The following SNX30 variants were observed in gnomAD, a reference collection of about 807,000 sequenced individuals.
The protein encoded by SNX30 is sorting nexin-30.
Under a neutral mutation model 46.4 loss-of-function variants are expected in SNX30, and 24 were observed. The ratio of observed to expected loss-of-function variants is 0.52; its 90% CI spans 0.37 to 0.73. The LOEUF is 0.73. Among genes scored for constraint, SNX30 ranks in the 30% least tolerant of loss-of-function variants. SNX30 has a pLI of 0.00. For synonymous variants in SNX30, 189 were observed against 211.5 expected, an observed-to-expected ratio of 0.89 and a Z score of 0.92; for missense variants, 533 against 555.7, an observed-to-expected ratio of 0.96 and a Z score of 0.41.
chr9:112,765,861 T>C (rs1003912163), intron 1 of SNX30, among the ~76,000 whole-genome samples: 1 of 152,176 alleles, frequency 6.6e-6, no homozygotes, highest in African/African-American at 2.4e-5. Flanking sequence ...TGGAGTGCAG[T>C]GGCGCGATCT....
intron 1 of SNX30, among the ~76,000 whole-genome samples, chr9:112,774,927 C>A (rs1839715860): frequency 6.6e-6 from 1 of 150,886 alleles, no homozygotes; most frequent in African/African-American, 2.4e-5. Context: ...TCACTGCAAC[C>A]TCTGCCTCCT....
chr9:112,834,882 A>ACGCACACACACACGCACC (rs56385707), intron 4 of SNX30, among the ~76,000 whole-genome samples: 1 of 105,252 alleles, frequency 9.5e-6, no homozygotes, highest in African/African-American at 3.0e-5. Context: ...ACACACACAC[A>ACGCACACACACACGCACC]CCTACCTCAA....
intron 3 of SNX30, among the ~76,000 whole-genome samples, chr9:112,830,077 A>C (rs931651668): frequency 4.6e-5 from 7 of 152,210 alleles, no homozygotes; most frequent in Non-Finnish European, 5.9e-5. Context: ...TTAAAAGCTC[A>C]AAGATCCCTT....
rs992798087 is a variant in SNX30, at chr9:112,823,926, A to G, written c.459+6111A>G. 3.3e-5 allele frequency among the ~76,000 whole-genome samples: 5 copies of G among 152,192 alleles called. No individual in the cohort carries two copies. The South Asian group carries it at 6.2e-4, about 19-fold the overall frequency. On this transcript the variant is annotated intron_variant, in intron 3 of 8. Transcript: ENST00000374232. ...CTCTGCACTTGGTGACAAGCTTTTAATCTCTATGCTCCTTTATTTATTTGG... is the reference window on the plus strand; with the variant it reads ...CTCTGCACTTGGTGACAAGCTTTTAGTCTCTATGCTCCTTTATTTATTTGG...
intron 2 of SNX30, among the ~76,000 whole-genome samples, chr9:112,815,220 A>G (rs1840378444): frequency 6.6e-6 from 1 of 152,178 alleles, no homozygotes; most frequent in South Asian, 2.1e-4. Flanking sequence ...GGTTGTGGCA[A>G]AAATAAAACG....
At chr9:112,851,746 A>C (rs1209946746) in intron 7 of SNX30, among the ~76,000 whole-genome samples, 2 of 149,848 alleles carry the variant, frequency 1.3e-5, no homozygotes, top group African/African-American at 4.9e-5. Flanking sequence ...GAGTTTTTAA[A>C]GATAATTTGG....
At chr9:112,776,966 C>T (rs1330244720) in intron 1 of SNX30, among the ~76,000 whole-genome samples, 3 of 152,122 alleles carry the variant, frequency 2.0e-5, no homozygotes, top group Non-Finnish European at 4.4e-5. Flanking sequence ...TTGCTCACCG[C>T]CCCCTGCCTT....
At chr9:112,883,949 C>A (rs1841614314), downstream of SNX30, among the ~76,000 whole-genome samples, 1 of 152,172 alleles carries the variant, frequency 6.6e-6, no homozygotes, top group Non-Finnish European at 1.5e-5. Flanking sequence ...TCCGCCTTGG[C>A]CTCCCAAAGT....
intron 1 of SNX30, among the ~76,000 whole-genome samples, chr9:112,768,354 T>C (rs1839579727): frequency 6.6e-6 from 1 of 152,222 alleles, no homozygotes; most frequent in Admixed American, 6.5e-5. Context: ...GTGAGTGGCA[T>C]TGACATCACC....
intron 3 of SNX30, among the ~76,000 whole-genome samples, chr9:112,821,613 A>G (rs1231113081): frequency 4.0e-5 from 6 of 151,336 alleles, no homozygotes; most frequent in African/African-American, 1.5e-4. Flanking sequence ...CAGCCTCCCT[A>G]GTACCTGGGA....
intron 1 of SNX30, among the ~76,000 whole-genome samples, chr9:112,777,955 C>T (rs1839776883): frequency 6.6e-6 from 1 of 152,126 alleles, no homozygotes; most frequent in South Asian, 2.1e-4. Flanking sequence ...TTTTAGGGTT[C>T]TGTGGGTTGA....
chr9:112,865,661 A>ATATATATATGTGTGTGTG, intron 8 of SNX30, among the ~76,000 whole-genome samples: 17 of 105,678 alleles, frequency 1.6e-4, no homozygotes, highest in African/African-American at 6.1e-4. Context: ...ATATATATAT[A>ATATATATATGTGTGTGTG]TGTATGTATG....
intron 2 of SNX30, among the ~76,000 whole-genome samples, chr9:112,807,159 G>T (rs767873448): frequency 3.9e-4 from 54 of 139,466 alleles, no homozygotes; most frequent in Non-Finnish European, 6.8e-4. Flanking sequence ...CCGCCCTCTG[G>T]GTTCAAGGGG....
intron 7 of SNX30, among the ~76,000 whole-genome samples, chr9:112,857,895 A>G (rs193277337): frequency 6.6e-6 from 1 of 152,144 alleles, no homozygotes; most frequent in African/African-American, 2.4e-5. Flanking sequence ...TTTTAAATGA[A>G]TGTTGAGTGA....
At chr9:112,759,124 C>T (rs1839400590) in intron 1 of SNX30, among the ~76,000 whole-genome samples, 1 of 152,046 alleles carries the variant, frequency 6.6e-6, no homozygotes, top group African/African-American at 2.4e-5. Context: ...CCTCAACTTC[C>T]CAAAATGCTT....
chr9:112,776,645 C>G (rs938392029), intron 1 of SNX30, among the ~76,000 whole-genome samples: 3 of 152,218 alleles, frequency 2.0e-5, no homozygotes, highest in Admixed American at 2.0e-4. Context: ...TGTGTGTAAA[C>G]ATGTACATGT....
chr9:112,778,765 G>C (rs371838428), intron 1 of SNX30, among the ~76,000 whole-genome samples: 9 of 152,306 alleles, frequency 5.9e-5, no homozygotes, highest in African/African-American at 1.9e-4. Flanking sequence ...TAGAATAACA[G>C]CTACCAGGTC....
chr9:112,811,580 T>C lies in SNX30; in HGVS notation c.349-6125T>C, dbSNP rs1488962001. 2.0e-5 allele frequency among the ~76,000 whole-genome samples: 3 copies of C among 152,146 alleles called. No individual in the cohort carries two copies. The East Asian group carries it at 5.8e-4, about 29-fold the overall frequency. On this transcript the variant is annotated intron_variant, in intron 2 of 8. Coordinates refer to ENST00000374232, the MANE Select transcript of SNX30 (RefSeq NM_001012994.2). ...TGAAGGAAAAAAAAATTTCCAGGGATGTCTGGAGATGACCAGGGACGTATC... is the reference window on the plus strand; with the variant it reads ...TGAAGGAAAAAAAAATTTCCAGGGACGTCTGGAGATGACCAGGGACGTATC...
intron 2 of SNX30, among the ~76,000 whole-genome samples, chr9:112,812,997 A>T (rs966561798): frequency 6.6e-6 from 1 of 151,980 alleles, no homozygotes; most frequent in Admixed American, 6.6e-5. Context: ...AAATACAAAA[A>T]TTATCTGGGT....
Sources: allele counts gnomAD v4.1 joint callset (sites outside exome capture counted in the v4.1 genomes callset), GRCh38; gene constraint gnomAD v4.1.1; transcripts MANE v1.5; gene names NCBI Gene and HGNC (gene_info 2026-07-23, HGNC 2026-07-21).